The following ARAP3 variants were observed in gnomAD, a reference collection of about 807,000 sequenced individuals.
ARAP3 encodes the protein ArfGAP with RhoGAP domain, ankyrin repeat and PH domain 3, also known as arf-GAP with Rho-GAP domain, ANK repeat and PH domain-containing protein 3.
Under a neutral mutation model 169.2 loss-of-function variants are expected in ARAP3, and 82 were observed. That is an observed-to-expected ratio of 0.48 (90% CI 0.41 to 0.58). The LOEUF is 0.58. ARAP3 is among the 20% of genes least tolerant of loss of function. The pLI is 0.00. For synonymous variants in ARAP3, 791 were observed against 800.3 expected (o/e 0.99, Z 0.20); for missense variants, 1,764 against 2,018.0 (o/e 0.87, Z 2.41).
At chr5:141,660,493 CAAA>C (rs549366104) in intron 21 of ARAP3, among the ~76,000 whole-genome samples, 8 of 91,296 alleles carry the variant, frequency 8.8e-5, no homozygotes, top group Non-Finnish European at 1.6e-4. Flanking sequence ...GACTCCGTCT[CAAA>C]AAAAAAAAAA....
chr5:141,659,379 T>C, intron 23 of ARAP3, 29 bp downstream of exon 23: 3 of 1,600,800 alleles, frequency 1.9e-6, no homozygotes, highest in Non-Finnish European at 2.6e-6. Context: ...TCCTGCCCCA[T>C]TCAGGAGACT....
intron 14 of ARAP3, 99 bp from the exon 15 acceptor site, chr5:141,670,162 A>G (rs1407887222): frequency 6.9e-7 from 1 of 1,458,118 alleles, no homozygotes; most frequent in Admixed American, 2.7e-5. Flanking sequence ...CCCTTTGCCC[A>G]TATATGATCC....
chr5:141,655,664 C>G lies in ARAP3; in HGVS notation c.4067G>C (p.Gly1356Ala). The G allele has an allele frequency of 6.2e-7, 1 of 1,614,098 alleles. No homozygotes were observed. Among genetic ancestry groups the G allele is most frequent in the African/African-American group, 1.3e-5 (1 of 75,022 alleles). ...FGTMPLLPIR[G>A]DDSGATLLSA... is the part of the protein sequence containing the mutation. ...GAGGAGGGTGGCTCCACTGTCATCC[C>G]CACGGATAGGCAGCAAAGGCATAGT... Residue 1356 changes from glycine to alanine, a missense_variant, in exon 31 of 33, where the codon GGG becomes GCG. Gly to Ala is a moderately conservative substitution (Grantham distance 60). Transcript: ENST00000239440.
chr5:141,671,370 G>A lies in ARAP3; in HGVS notation c.1885C>T (p.Leu629=). 6.2e-7 allele frequency: 1 copy of A among 1,613,386 alleles called. No individual in the cohort carries two copies. Among genetic ancestry groups the A allele is most frequent in the Non-Finnish European group, 8.5e-7 (1 of 1,179,686 alleles). The change falls in exon 13 of 33, where the codon CTG becomes TTG. Residue 629 remains leucine (L), a synonymous_variant. Coordinates refer to ENST00000239440, the MANE Select transcript of ARAP3 (RefSeq NM_022481.6). The surrounding 1 kb of genome is among the most constrained non-coding windows in gnomAD (Gnocchi z 4.9). ...AGGAGCTGGGTCATGTTCTTCAGCA[G>A]GTTGGGTCTTGCCACAGCTGCACAC... ...ALCAAVARPN[L]LKNMTQLLCV...
Position 141,658,358 on chromosome 5 carries a change from T to C in ARAP3, c.3526+7A>G. 1 of 1,612,638 alleles carries C rather than the reference T, an allele frequency of 6.2e-7. No individual in the cohort carries two copies. The highest frequency in any genetic ancestry group is 8.5e-7 in the Non-Finnish European group (1 of 1,179,946). On this transcript the variant is annotated splice_region_variant and intron_variant, in intron 25 of 32. Coordinates refer to ENST00000239440, the MANE Select transcript of ARAP3 (RefSeq NM_022481.6). Reference sequence around the variant, plus strand: ...ATGCATGAACACACAGGCGTGGTCATACTCACCCAGCTCCCCATGCTCGCG... The same window carrying C: ...ATGCATGAACACACAGGCGTGGTCACACTCACCCAGCTCCCCATGCTCGCG...
At position 141,672,665 on chromosome 5, in the gene ARAP3, G is replaced by A. The variant is rs1266154102; in HGVS notation, c.1279-7C>T. On this transcript the variant is annotated splice_region_variant and splice_polypyrimidine_tract_variant and intron_variant, in intron 8 of 32. Transcript: ENST00000239440. This position sits in a 1 kb window ranked among gnomAD's most constrained non-coding sequence, Gnocchi z 4.9. ...CGATGCCCAGAGAGAAGGCCTGGTG[G>A]GGTCAGGGGGTGGGCATCATGAGGT... 1.9e-6 allele frequency: 3 copies of A among 1,613,624 alleles called. No homozygotes were observed. In the African/African-American group the frequency reaches 4.0e-5, roughly 22 times the overall value.
At chr5:141,663,926 C>G (rs570986087) in intron 19 of ARAP3, among the ~76,000 whole-genome samples, 11 of 152,198 alleles carry the variant, frequency 7.2e-5, no homozygotes, top group African/African-American at 2.7e-4. Context: ...AAAAACAATA[C>G]AGCATAACAA....
chr5:141,663,337 A>G (rs2099910219), intron 19 of ARAP3, among the ~76,000 whole-genome samples: 1 of 151,984 alleles, frequency 6.6e-6, no homozygotes, highest in South Asian at 2.1e-4. Flanking sequence ...TTGCTCTTTC[A>G]CCCGGGGTGG....
chr5:141,681,764 G>T (rs2099913013), intron 1 of ARAP3, among the ~76,000 whole-genome samples: 2 of 152,148 alleles, frequency 1.3e-5, no homozygotes, highest in Non-Finnish European at 2.9e-5. Context: ...CTCTGTCGGT[G>T]ACCAGGACGC....
intron 4 of ARAP3, among the ~76,000 whole-genome samples, chr5:141,678,665 T>G (rs2099912538): frequency 6.6e-6 from 1 of 151,862 alleles, no homozygotes; most frequent in Non-Finnish European, 1.5e-5. Context: ...TTTTTGTATT[T>G]TTAGTAGAGA....
At chr5:141,657,981 G>A (rs1596476057) in intron 25 of ARAP3, among the ~76,000 whole-genome samples, 1 of 152,046 alleles carries the variant, frequency 6.6e-6, no homozygotes, top group East Asian at 1.9e-4. Context: ...TACAAATTTG[G>A]GTGTCAGGTT....
In ARAP3 at chr5:141,672,847, TG is replaced by T. The variant is rs748757285; in HGVS notation, c.1171del (p.Gln391AsnfsTer24). 4 of 862,660 alleles carry T rather than the reference TG, an allele frequency of 4.6e-6. No homozygotes were observed. The highest frequency in any genetic ancestry group is 2.2e-5 in the Admixed American group (1 of 46,290). 53.4% of individuals were successfully genotyped at this position (862,660 alleles called of 1,614,324 possible). On this transcript the variant is annotated frameshift_variant, in exon 8 of 33. Coordinates refer to ENST00000239440, the MANE Select transcript of ARAP3 (RefSeq NM_022481.6). LOFTEE classifies it high-confidence loss of function. The surrounding 1 kb of genome is among the most constrained non-coding windows in gnomAD (Gnocchi z 4.9). ...GCCCGTGCGGAGGGGTCGGGGTGGT[TG>T]GGGGGGCCGGGGGTGGCCCAGGAGG... ...QRLLGHPRPP[Q>X]PPRPLRTGML... is the part of the protein sequence containing the mutation.
rs754415317 is a variant in ARAP3 at position 141,664,989 on chromosome 5, C to T, written c.2733G>A (p.Glu911=). Residue 911 remains glutamate (E), a synonymous_variant, in exon 19 of 33, where the codon GAG becomes GAA. Transcript: ENST00000239440. ...GGATGTCACCCCGGCTCATCTGCTG[C>T]TCCTGCAGCCCTGTGCCGCCCCCAC... The part of the protein sequence containing the change: ...AAGGGGTGLQ[E]QQMSRGDIPI... The T allele has an allele frequency of 5.6e-6, 9 of 1,613,648 alleles. No individual in the cohort carries two copies. Among genetic ancestry groups the T allele is most frequent in the Non-Finnish European group, 7.6e-6 (9 of 1,179,942 alleles).
Position 141,656,865 on chromosome 5 carries a change from G to T in ARAP3, c.3527-19C>A. On this transcript the variant is annotated intron_variant, in intron 25 of 32. Coordinates refer to ENST00000239440, the MANE Select transcript of ARAP3 (RefSeq NM_022481.6). ...GGCCGCTCTTAAGGGGAAAGGTGAGGGTTTATATATCAATCAGAATATCCA... is the reference window on the plus strand; with the variant it reads ...GGCCGCTCTTAAGGGGAAAGGTGAGTGTTTATATATCAATCAGAATATCCA... The T allele has an allele frequency of 6.2e-7, 1 of 1,608,258 alleles. No individual in the cohort carries two copies. The highest frequency in any genetic ancestry group is 8.5e-7 in the Non-Finnish European group (1 of 1,176,596).
In ARAP3 at chr5:141,666,795, G is replaced by A. The variant is rs1030942956; in HGVS notation, c.2353-152C>T. 9.3e-6 allele frequency: 4 copies of A among 431,746 alleles called. No homozygotes were observed. In the Admixed American group the frequency reaches 1.3e-4, roughly 14 times the overall value. 26.7% of individuals were successfully genotyped at this position (431,746 alleles called of 1,614,324 possible). On this transcript the variant is annotated intron_variant, in intron 16 of 32. Transcript: ENST00000239440. ...CAGGAATGAAAAGGGATGCGAGAGA[G>A]CAGAGGAGACAGCCAAGGAGGAGAC...
Position 141,656,222 on chromosome 5 carries a change from T to C in ARAP3, c.3844A>G (p.Ile1282Val), listed in dbSNP as rs1449584524. The C allele has an allele frequency of 3.7e-6, 6 of 1,614,026 alleles. No homozygotes were observed. The highest frequency in any genetic ancestry group is 4.5e-5 in the East Asian group (2 of 44,882). ...PLEGAKVYLG[I>V]RKKLKPPTPW... The stretch of plus-strand genomic sequence containing the variant: ...GTTGGGGGCTTTAACTTCTTGCGGA[T>C]TCCCAGGTAGACCTTGGCACCTTCC... Residue 1282 changes from isoleucine to valine, a missense_variant, in exon 28 of 33, where the codon ATC (isoleucine) becomes GTC (valine). By Grantham distance (29) the Ile-to-Val change is conservative (BLOSUM62 3). Around this residue, in one of 3 missense-constraint regions of ARAP3, gnomAD observed 1,112 missense variants for 1,285.7 expected, o/e 0.86. Transcript: ENST00000239440.
Position 141,680,702 on chromosome 5 carries a change from T to C in ARAP3, c.-17-199A>G, listed in dbSNP as rs904989203. 58 of 865,274 alleles carry C rather than the reference T, an allele frequency of 6.7e-5. 1 individual carries two copies. The highest frequency in any genetic ancestry group is 9.2e-5 in the Non-Finnish European group (55 of 595,340). 53.6% of individuals were successfully genotyped at this position (865,274 alleles called of 1,614,324 possible). On this transcript the variant is annotated intron_variant, in intron 1 of 32. Transcript: ENST00000239440. The stretch of plus-strand genomic sequence containing the variant: ...CTTAGGGAAGGGACTTCATTTGAAG[T>C]TAAGGAAACTGAGGCCCAGAGAGGG...
intron 3 of ARAP3, 45 bp downstream of exon 3, chr5:141,679,716 C>T (rs1350873626): frequency 1.9e-6 from 3 of 1,614,012 alleles, no homozygotes; most frequent in Non-Finnish European, 8.5e-7. Flanking sequence ...GTATGAGGTC[C>T]TGCCGGCACT....
intron 21 of ARAP3, among the ~76,000 whole-genome samples, chr5:141,660,770 A>G (rs1285107381): frequency 6.6e-6 from 1 of 152,076 alleles, no homozygotes; most frequent in Non-Finnish European, 1.5e-5. Flanking sequence ...GGTGTGAGCC[A>G]CCATACCTGG....
Sources: gnomAD v4.1 joint callset for allele counts (sites outside exome capture counted in the v4.1 genomes callset) on GRCh38, gnomAD v4.1.1 for gene constraint, gnomAD v4.1.1 regional missense constraint, Gnocchi (gnomAD v3.1) non-coding constraint, MANE v1.5 for transcripts, NCBI Gene and HGNC (gene_info 2026-07-23, HGNC 2026-07-21) for gene names.